The following CFAP65 variants were observed in gnomAD, a reference collection of about 807,000 sequenced individuals.
CFAP65 encodes the protein cilia and flagella associated protein 65.
CFAP65 carries 155 observed loss-of-function variants against 208.0 expected under a neutral mutation model. That is an observed-to-expected ratio of 0.75 (90% CI 0.65 to 0.85). The LOEUF is 0.85. Ranked by LOEUF, CFAP65 falls within the 40% of genes least tolerant of loss-of-function variation. CFAP65 has a pLI of 0.00. For synonymous variants in CFAP65, 970 were observed against 986.3 expected (o/e 0.98, Z 0.31); for missense variants, 2,294 against 2,451.3 (o/e 0.94, Z 1.36).
At chr2:219,006,569 C>T in intron 29 of CFAP65, 60 bp from the exon 30 acceptor site, 1 of 1,550,586 alleles carries the variant, frequency 6.4e-7, no homozygotes, top group Admixed American at 1.7e-5. Context: ...GGTGGTGCTT[C>T]ATGCCTGTAA....
intron 14 of CFAP65, 46 bp from the exon 15 acceptor site, chr2:219,024,306 C>T (rs752489466): frequency 3.2e-6 from 5 of 1,572,294 alleles, no homozygotes; most frequent in Admixed American, 1.7e-5. Flanking sequence ...CAGACCTCCA[C>T]CCTGGGACAC....
intron 5 of CFAP65, chr2:219,035,248 T>C: frequency 7.2e-7 from 1 of 1,393,702 alleles, no homozygotes; most frequent in Non-Finnish European, 9.5e-7. Context: ...CCAAACTTCC[T>C]TCATTCTGGA....
chr2:219,036,422 A>C (rs993253955), intron 4 of CFAP65, among the ~76,000 whole-genome samples: 1 of 150,036 alleles, frequency 6.7e-6, no homozygotes, highest in Non-Finnish European at 1.5e-5. Flanking sequence ...TGCCATGCGC[A>C]CTCAACTCAT....
rs1029950961 is a variant in CFAP65, at chr2:219,018,861, C to T, written c.3602+190G>A. On this transcript the variant is annotated intron_variant, in intron 21 of 34. Transcript: ENST00000341552. Reference sequence around the variant, plus strand: ...TCTGAGCCTATCACCGTGTCTCAGCCGGTGACAGGCCCGGAGTCCTGCTGG... The same window carrying T: ...TCTGAGCCTATCACCGTGTCTCAGCTGGTGACAGGCCCGGAGTCCTGCTGG... 70 of 706,996 alleles carry T rather than the reference C, an allele frequency of 9.9e-5. No individual in the cohort carries two copies. In the East Asian group the frequency reaches 1.2e-3, roughly 12 times the overall value. 43.8% of individuals were successfully genotyped at this position (706,996 alleles called of 1,614,324 possible). A position where few individuals can be genotyped will look rare whatever the true frequency, so the allele number is the denominator to read the frequency against.
intron 13 of CFAP65, chr2:219,027,384 A>G (rs1947698180): frequency 6.8e-7 from 1 of 1,468,980 alleles, no homozygotes; most frequent in East Asian, 2.5e-5. Context: ...CTGTGCACCC[A>G]GTTTTCCCAA....
At position 219,023,324 on chromosome 2, in the gene CFAP65, G is replaced by A; in HGVS notation, c.2703C>T (p.Phe901=). 6.2e-7 allele frequency: 1 copy of A among 1,612,878 alleles called. No individual in the cohort carries two copies. Among genetic ancestry groups the A allele is most frequent in the Middle Eastern group, 1.7e-4 (1 of 6,054 alleles). The change falls in exon 16 of 35, where the codon TTC becomes TTT. Residue 901 remains phenylalanine, a synonymous_variant. Transcript: ENST00000341552. ...TWVGCSSTSP[F]TFRNPSRLPL... is the part of the protein sequence containing the mutation. ...GCAGACGCGAGGGGTTGCGGAAGGT[G>A]AAGGGGCTGGTGGAGGAGCAGCCCA...
At chr2:219,009,534 G>T in intron 27 of CFAP65, 74 bp from the exon 28 acceptor site, 1 of 947,956 alleles carries the variant, frequency 1.1e-6, no homozygotes, top group Non-Finnish European at 1.7e-6. Context: ...AATAGGATGG[G>T]ATGAGATGGG....
Position 219,027,901 on chromosome 2 carries a change from CTA to C in CFAP65, c.1958_1959del (p.Val653GlyfsTer14). 6.5e-7 allele frequency: 1 copy of C among 1,538,168 alleles called. No homozygotes were observed. Among genetic ancestry groups the C allele is most frequent in the South Asian group, 1.3e-5 (1 of 77,830 alleles). On this transcript the variant is annotated frameshift_variant, in exon 13 of 35. Transcript: ENST00000341552. LOFTEE classifies it high-confidence loss of function. ...DITIFPPPIS[V>X]EPVEVDFGAC... Reference sequence around the variant, plus strand: ...GCACCGAAGTCTACCTCGACAGGCTCTACACTGATGGGCGGGGGGAAGATGGT... The same window carrying C: ...GCACCGAAGTCTACCTCGACAGGCTCCACTGATGGGCGGGGGGAAGATGGT...
In CFAP65 at chr2:219,006,180, GCA is replaced by G; in HGVS notation, c.4761_4762del (p.Ala1588GlnfsTer41). On this transcript the variant is annotated frameshift_variant, in exon 31 of 35. Transcript: ENST00000341552. LOFTEE classifies it high-confidence loss of function. ...CTTTGGGGTCTGCAGTTTCCAGCTG[GCA>G]GGCCGGCTGACAGACTGCTGGTTCT... The G allele has an allele frequency of 6.2e-7, 1 of 1,611,548 alleles. No homozygotes were observed. The highest frequency in any genetic ancestry group is 1.1e-5 in the South Asian group (1 of 90,994).
chr2:219,017,326 G>A (rs1046659042), intron 21 of CFAP65, among the ~76,000 whole-genome samples: 23 of 152,248 alleles, frequency 1.5e-4, no homozygotes, highest in African/African-American at 4.8e-4. Flanking sequence ...GGGAGAAGGC[G>A]TGGAGGGAGT....
chr2:219,031,691 C>A lies in CFAP65; in HGVS notation c.646-33G>T. 6.4e-7 allele frequency: 1 copy of A among 1,567,510 alleles called. No individual in the cohort carries two copies. On this transcript the variant is annotated intron_variant, in intron 6 of 34. Transcript: ENST00000341552. The surrounding 1 kb of genome is among the most constrained non-coding windows in gnomAD (Gnocchi z 5.2). ...GTGAGGCGGGGCAGGGGCAGTCACC[C>A]ATCAGTGGCATTCAGGGACTGCACA...
chr2:219,009,244 T>A (rs947562174), intron 28 of CFAP65, 90 bp from the exon 29 acceptor site: 2 of 1,468,796 alleles, frequency 1.4e-6, no homozygotes, highest in African/African-American at 1.4e-5. Context: ...AGGGCTGACT[T>A]CTGCCTTTTG....
At chr2:219,029,704 G>A (rs1038173158) in intron 10 of CFAP65, 36 bp from the exon 11 acceptor site, 1 of 1,598,506 alleles carries the variant, frequency 6.3e-7, no homozygotes, top group Non-Finnish European at 8.5e-7. Flanking sequence ...CTTCCCCAAG[G>A]ATATCTTAGA....
rs75862278 is a variant in CFAP65, at chr2:219,009,087, C to T, written c.4634G>A (p.Arg1545Gln). The change falls in exon 29 of 35, where the codon CGG (arginine) becomes CAG (glutamine). Residue 1545 changes from arginine (R) to glutamine (Q), a missense_variant. Around this residue, in one of 2 missense-constraint regions of CFAP65, gnomAD observed 1,427 missense variants for 1,438.7 expected, o/e 0.99. Coordinates refer to ENST00000341552, the MANE Select transcript of CFAP65 (RefSeq NM_194302.4). Reference sequence around the variant, plus strand: ...GGTGATGGTGAACTCCACTTCCTGCCGCACCTTCTCGTCCTTCCACTCCTG... The same window carrying T: ...GGTGATGGTGAACTCCACTTCCTGCTGCACCTTCTCGTCCTTCCACTCCTG... ...ELQEWKDEKV[R>Q]QEVEFTITDM... The T allele has an allele frequency of 1.5e-3, 2,422 of 1,612,896 alleles. 33 individuals are homozygous for T. In the African/African-American group the frequency reaches 0.029, roughly 19 times the overall value.
At chr2:219,027,304 C>G in intron 13 of CFAP65, 1 of 1,429,908 alleles carries the variant, frequency 7.0e-7, no homozygotes, top group Non-Finnish European at 9.2e-7. Context: ...TTAGAGTGAC[C>G]ACTTCTTAAT....
At chr2:219,009,602 G>A in intron 27 of CFAP65, 142 bp from the exon 28 acceptor site, 1 of 590,358 alleles carries the variant, frequency 1.7e-6, no homozygotes. Flanking sequence ...AAGATGGGAT[G>A]GGATGGGACA....
intron 24 of CFAP65, among the ~76,000 whole-genome samples, chr2:219,011,859 G>C (rs905568707): frequency 6.6e-6 from 1 of 152,178 alleles, no homozygotes; most frequent in Non-Finnish European, 1.5e-5. Flanking sequence ...TGGTACTATG[G>C]GTTAAATGCT....
At chr2:219,038,863 C>T (rs747321052) in intron 3 of CFAP65, 33 bp downstream of exon 3, 1 of 1,578,134 alleles carries the variant, frequency 6.3e-7, no homozygotes, top group South Asian at 1.2e-5. Context: ...GCTCAGCAAG[C>T]TCCAGTGGGT....
chr2:219,031,140 G>A lies in CFAP65; in HGVS notation c.981C>T (p.Ser327=). ...GCAGCTGGATGCTGCTCCTCTGCCG[G>A]CTGCCCGCCCCGTACCAGCACGTGG... ...VQATCWYGAG[S]RQRSSIQLQA... The change falls in exon 8 of 35, where the codon AGC becomes AGT. Residue 327 remains serine, a synonymous_variant. Transcript: ENST00000341552. The surrounding 1 kb of genome is among the most constrained non-coding windows in gnomAD (Gnocchi z 5.2). 6.2e-7 allele frequency: 1 copy of A among 1,602,196 alleles called. No individual in the cohort carries two copies. Among genetic ancestry groups the A allele is most frequent in the Admixed American group, 1.7e-5 (1 of 58,224 alleles).
Sources: gnomAD v4.1 joint callset for allele counts (sites outside exome capture counted in the v4.1 genomes callset) on GRCh38, gnomAD v4.1.1 for gene constraint, gnomAD v4.1.1 regional missense constraint, Gnocchi (gnomAD v3.1) non-coding constraint, MANE v1.5 for transcripts, NCBI Gene and HGNC (gene_info 2026-07-23, HGNC 2026-07-21) for gene names.